The following TRAPPC11 variants were observed in gnomAD, a reference collection of about 807,000 sequenced individuals.
The protein encoded by TRAPPC11 is trafficking protein particle complex subunit 11, also known as foie gras homolog.
A neutral mutation model predicts 151.2 loss-of-function variants in TRAPPC11; 104 were observed. The ratio of observed to expected loss-of-function variants is 0.69; its 90% CI spans 0.59 to 0.81. The LOEUF (loss-of-function observed/expected upper bound fraction) is 0.81, where lower values mean the gene tolerates loss of function less well. Among genes scored for constraint, TRAPPC11 ranks in the 30% least tolerant of loss-of-function variants. The probability of loss-of-function intolerance (pLI) is 0.00; values close to 1 mark genes in which losing one functional copy is unlikely to be tolerated. For synonymous variants in TRAPPC11, 456 were observed against 472.3 expected, an observed-to-expected ratio of 0.97 and a Z score of 0.45; for missense variants, 1,230 against 1,349.6, an observed-to-expected ratio of 0.91 and a Z score of 1.39.
intron 7 of TRAPPC11, among the ~76,000 whole-genome samples, chr4:183,675,989 G>A (rs1383735511): frequency 6.6e-6 from 1 of 151,970 alleles, no homozygotes; most frequent in African/African-American, 2.4e-5. Flanking sequence ...CCAAAATTGA[G>A]GAGGGCAAAG....
chr4:183,664,687 T>TA (rs1242819461), intron 2 of TRAPPC11, among the ~76,000 whole-genome samples: 1 of 152,170 alleles, frequency 6.6e-6, no homozygotes, highest in South Asian at 2.1e-4. Context: ...AACATAGTTG[T>TA]AAAAAAACAG....
chr4:183,691,693 T>C (rs1049082218), intron 19 of TRAPPC11, among the ~76,000 whole-genome samples: 1 of 152,148 alleles, frequency 6.6e-6, no homozygotes, highest in African/African-American at 2.4e-5. Flanking sequence ...GAGAATATAC[T>C]GTACATAATA....
Position 183,686,677 on chromosome 4 carries a change from G to C in TRAPPC11, c.1822G>C (p.Asp608His). 1 of 1,614,052 alleles carries C rather than the reference G, an allele frequency of 6.2e-7. No individual in the cohort carries two copies. The highest frequency in any genetic ancestry group is 1.3e-5 in the African/African-American group (1 of 75,042). Residue 608 changes from aspartate to histidine, a missense_variant, in exon 18 of 30, where the codon GAT (aspartate) becomes CAT (histidine). Transcript: ENST00000334690. ...TCATGTTGATGTTCCTGTTCAGTTTGATATTTATCTGAAGGCTGATTGTCC... is the reference window on the plus strand; with the variant it reads ...TCATGTTGATGTTCCTGTTCAGTTTCATATTTATCTGAAGGCTGATTGTCC... Reference protein sequence around the residue: ...SFHVDVPVQFDIYLKADCPHP... With the variant: ...SFHVDVPVQFHIYLKADCPHP...
intron 5 of TRAPPC11, among the ~76,000 whole-genome samples, chr4:183,668,618 TG>T (rs1735000345): frequency 6.6e-6 from 1 of 152,236 alleles, no homozygotes; most frequent in African/African-American, 2.4e-5. Flanking sequence ...GGCCTGTTTT[TG>T]CTTCATTCTT....
In TRAPPC11 at chr4:183,712,515, A is replaced by G; in HGVS notation, c.3358-85A>G. On this transcript the variant is annotated intron_variant, in intron 29 of 29. Coordinates refer to ENST00000334690, the MANE Select transcript of TRAPPC11 (RefSeq NM_021942.6). ...ATTCTGTTTTTGTAAAACAGTTTCA[A>G]GAATTTAAAAATCCTTCCAGTTAAT... 8.3e-6 allele frequency: 11 copies of G among 1,321,204 alleles called. No individual in the cohort carries two copies. In the South Asian group the frequency reaches 1.3e-4, roughly 16 times the overall value. The allele number at this position is 1,321,204 out of a possible 1,614,324, so 81.8% of individuals were successfully genotyped here. A position where few individuals can be genotyped will look rare whatever the true frequency, so the allele number is the denominator to read the frequency against.
At chr4:183,662,381 T>C (rs1734601890) in intron 1 of TRAPPC11, among the ~76,000 whole-genome samples, 1 of 148,862 alleles carries the variant, frequency 6.7e-6, no homozygotes, top group African/African-American at 2.5e-5. Flanking sequence ...AAGAACCTCA[T>C]GTTGTTACAT....
At position 183,693,094 on chromosome 4, in the gene TRAPPC11, G is replaced by A; in HGVS notation, c.2184G>A (p.Lys728=). The A allele has an allele frequency of 1.9e-6, 3 of 1,612,716 alleles. No individual in the cohort carries two copies. In the South Asian group the frequency reaches 3.3e-5, roughly 18 times the overall value. Residue 728 remains lysine, a synonymous_variant, in exon 20 of 30, where the codon AAG becomes AAA. Transcript: ENST00000334690. The stretch of plus-strand genomic sequence containing the variant: ...CTCGGTCTTTCAAAAGGCGACCTAA[G>A]CTACCTGACAATGAAGTTCACTGGG... The part of the protein sequence containing the change: ...QAARSFKRRP[K]LPDNEVHWDS...
intron 23 of TRAPPC11, among the ~76,000 whole-genome samples, chr4:183,696,207 A>G (rs1056360675): frequency 3.3e-5 from 5 of 152,174 alleles, no homozygotes; most frequent in Non-Finnish European, 5.9e-5. Context: ...TAACTTTCCC[A>G]GGGTCACGTC....
chr4:183,665,102 T>TC (rs1436584004), intron 2 of TRAPPC11, among the ~76,000 whole-genome samples: 7 of 144,976 alleles, frequency 4.8e-5, no homozygotes, highest in Non-Finnish European at 1.5e-5. Flanking sequence ...TTTTTTTTTT[T>TC]TTTTTTTTTT....
chr4:183,698,622 A>G (rs1736659782), intron 25 of TRAPPC11, among the ~76,000 whole-genome samples: 1 of 152,252 alleles, frequency 6.6e-6, no homozygotes, highest in African/African-American at 2.4e-5. Context: ...ATGAGAACAT[A>G]TGAAATAGCT....
At chr4:183,705,219 T>C (rs970719969) in intron 27 of TRAPPC11, 149 bp downstream of exon 27, 2 of 518,068 alleles carry the variant, frequency 3.9e-6, no homozygotes, top group Admixed American at 2.6e-5. Context: ...TCCTCTCTAC[T>C]TCTACACACT....
At chr4:183,701,436 A>T in intron 25 of TRAPPC11, 3 of 334,098 alleles carry the variant, frequency 9.0e-6, no homozygotes, top group African/African-American at 2.1e-5. Context: ...TTTTGCATTC[A>T]TTAGTTTCCA....
chr4:183,703,522 A>T (rs1736900756), intron 26 of TRAPPC11, among the ~76,000 whole-genome samples: 1 of 152,214 alleles, frequency 6.6e-6, no homozygotes, highest in Non-Finnish European at 1.5e-5. Context: ...TTTGTGACTT[A>T]TATGCTATTG....
Position 183,674,808 on chromosome 4 carries a change from AC to A in TRAPPC11, c.658del (p.Gln220SerfsTer11). ...AAAGAATTTTTGAATAAAACAACACACCAGGTGCGTGATTTTTTGCAATAAT... is the reference window on the plus strand; with the variant it reads ...AAAGAATTTTTGAATAAAACAACACACAGGTGCGTGATTTTTTGCAATAAT... ...SHKEFLNKTT[H>X]QLLFVRHQFK... On this transcript the variant is annotated frameshift_variant, in exon 6 of 30. Coordinates refer to ENST00000334690, the MANE Select transcript of TRAPPC11 (RefSeq NM_021942.6). LOFTEE classifies it high-confidence loss of function. The A allele has an allele frequency of 6.4e-7, 1 of 1,570,896 alleles. No individual in the cohort carries two copies. Among genetic ancestry groups the A allele is most frequent in the Non-Finnish European group, 8.6e-7 (1 of 1,156,710 alleles).
chr4:183,691,304 C>A lies in TRAPPC11; in HGVS notation c.1894-12C>A. The A allele has an allele frequency of 6.8e-7, 1 of 1,477,794 alleles. No homozygotes were observed. Among genetic ancestry groups the A allele is most frequent in the South Asian group, 1.6e-5 (1 of 63,938 alleles). The allele number at this position is 1,477,794 out of a possible 1,614,324, so 91.5% of individuals were successfully genotyped here. ...CATCTGACATTTGATGACCCCTGTT[C>A]ACCTTTTTCAGGAATACAACCAGTT... On this transcript the variant is annotated splice_polypyrimidine_tract_variant and intron_variant, in intron 18 of 29. Coordinates refer to ENST00000334690, the MANE Select transcript of TRAPPC11 (RefSeq NM_021942.6).
intron 1 of TRAPPC11, among the ~76,000 whole-genome samples, chr4:183,661,466 G>T (rs941383228): frequency 1.4e-5 from 2 of 147,516 alleles, no homozygotes; most frequent in Non-Finnish European, 3.0e-5. Flanking sequence ...CCGCCTCCCG[G>T]GTTCACGCCA....
chr4:183,689,990 G>A (rs966130034), intron 18 of TRAPPC11, among the ~76,000 whole-genome samples: 1 of 152,066 alleles, frequency 6.6e-6, no homozygotes, highest in African/African-American at 2.4e-5. Flanking sequence ...ATCACTGGAG[G>A]TCAGGAGTTC....
Position 183,692,958 on chromosome 4 carries a change from A to G in TRAPPC11, c.2050-2A>G. ...TTCCAACATCCTTTTTTTTCTTTTT[A>G]GATTACTTCAGTGGATCTTGCTCTG... On this transcript the variant is annotated splice_acceptor_variant, in intron 19 of 29. Transcript: ENST00000334690. LOFTEE classifies it high-confidence loss of function. The G allele has an allele frequency of 6.3e-7, 1 of 1,583,694 alleles. No homozygotes were observed. The highest frequency in any genetic ancestry group is 8.6e-7 in the Non-Finnish European group (1 of 1,166,092).
rs554749931 is a variant in TRAPPC11, at chr4:183,683,847, C to A, written c.1208-128C>A. 45 of 771,014 alleles carry A rather than the reference C, an allele frequency of 5.8e-5. No individual in the cohort carries two copies. The South Asian group carries it at 7.3e-4, about 12-fold the overall frequency. The allele number at this position is 771,014 out of a possible 1,614,324, so 47.8% of individuals were successfully genotyped here. A position where few individuals can be genotyped will look rare whatever the true frequency, so the allele number is the denominator to read the frequency against. On this transcript the variant is annotated intron_variant, in intron 11 of 29. Coordinates refer to ENST00000334690, the MANE Select transcript of TRAPPC11 (RefSeq NM_021942.6). Reference sequence around the variant, plus strand: ...GCTGCCTCTTAGCACCTTTACGATTCTAGAATGTTGAAGAGTCTGAAATGA... The same window carrying A: ...GCTGCCTCTTAGCACCTTTACGATTATAGAATGTTGAAGAGTCTGAAATGA...
Sources: gnomAD v4.1 joint callset for allele counts (sites outside exome capture counted in the v4.1 genomes callset) on GRCh38, gnomAD v4.1.1 for gene constraint, MANE v1.5 for transcripts, NCBI Gene and HGNC (gene_info 2026-07-23, HGNC 2026-07-21) for gene names.